The following DCAF6 variants were observed in gnomAD, a reference collection of about 807,000 sequenced individuals.
The protein encoded by DCAF6 is DDB1 and CUL4 associated factor 6.
DCAF6 carries 54 observed loss-of-function variants against 125.1 expected under a neutral mutation model. The observed-to-expected ratio is 0.43, with a 90% CI of 0.35 to 0.54. The LOEUF (loss-of-function observed/expected upper bound fraction) is 0.54, where lower values mean the gene tolerates loss of function less well. Among genes scored for constraint, DCAF6 ranks in the 20% least tolerant of loss-of-function variants. The pLI is 0.01. For missense variants in DCAF6, 934 were observed against 1,161.7 expected, an observed-to-expected ratio of 0.80 and a Z score of 2.85; for synonymous variants, 371 against 390.4, an observed-to-expected ratio of 0.95 and a Z score of 0.58.
At chr1:167,881,981 T>A in the DCAF6 span, among the ~76,000 whole-genome samples, 1 of 152,218 alleles carries the variant, frequency 6.6e-6, no homozygotes, top group African/African-American at 2.4e-5. Context: ...TGTCAATATA[T>A]GTGTTACTCA....
chr1:168,044,622 T>C lies in DCAF6; in HGVS notation c.1881T>C (p.Tyr627=). ...AATCATCAGAGGATGTGACAAAATA[T>C]CAGGAAGGAGTATCTGCAGAAAACC... ...PEESSEDVTK[Y]QEGVSAENPV... The change falls in exon 15 of 22, where the codon TAT becomes TAC. Residue 627 remains tyrosine, a synonymous_variant. Transcript: ENST00000367840. 1.2e-6 allele frequency: 2 copies of C among 1,613,266 alleles called. No individual in the cohort carries two copies. Among genetic ancestry groups the C allele is most frequent in the Non-Finnish European group, 1.7e-6 (2 of 1,179,406 alleles).
intron 12 of DCAF6, among the ~76,000 whole-genome samples, chr1:168,035,173 C>A (rs866720358): frequency 6.6e-6 from 1 of 152,150 alleles, no homozygotes; most frequent in African/African-American, 2.4e-5. Flanking sequence ...GGGCCAAGTG[C>A]GGTGGCTCAC....
intron 12 of DCAF6, among the ~76,000 whole-genome samples, chr1:168,027,480 C>G (rs1214628298): frequency 6.6e-6 from 1 of 152,102 alleles, no homozygotes; most frequent in African/African-American, 2.4e-5. Context: ...GAATATATCT[C>G]TGACTAATGA....
chr1:167,951,411 C>A (rs1471112072), intron 1 of DCAF6, among the ~76,000 whole-genome samples: 1 of 152,064 alleles, frequency 6.6e-6, no homozygotes, highest in African/African-American at 2.4e-5. Context: ...CCTGTCTCTA[C>A]TAAAAATACA....
intron 3 of DCAF6, among the ~76,000 whole-genome samples, chr1:167,972,195 T>C (rs376271341): frequency 5.1e-4 from 78 of 152,362 alleles, no homozygotes; most frequent in African/African-American, 1.5e-3. Flanking sequence ...TACACATAAA[T>C]ATTTTTAATC....
intron 3 of DCAF6, chr1:167,968,669 G>C (rs1452386283): frequency 2.0e-5 from 3 of 152,312 alleles, no homozygotes; most frequent in Non-Finnish European, 4.4e-5. Context: ...GAAACTGCCC[G>C]TGCTGGAAGA....
intron 12 of DCAF6, among the ~76,000 whole-genome samples, chr1:168,036,535 G>A (rs1687831314): frequency 6.6e-6 from 1 of 152,158 alleles, no homozygotes; most frequent in South Asian, 2.1e-4. Flanking sequence ...ATCTTTAGCT[G>A]TCTGTTTCAT....
At chr1:167,880,125 G>C in the DCAF6 span, 25 of 1,612,262 alleles carry the variant, frequency 1.6e-5, no homozygotes, top group Non-Finnish European at 2.1e-5. Context: ...CTGTGTACTC[G>C]TGTCTCACAG....
At chr1:168,010,999 T>A (rs73026173) in intron 10 of DCAF6, among the ~76,000 whole-genome samples, 12,837 of 152,082 alleles carry the variant, frequency 0.084, 608 homozygotes, top group Middle Eastern at 0.1. Context: ...TTGAAGTGGA[T>A]GGGGATATCA....
At chr1:167,978,074 TTGTG>T (rs1177815807) in intron 4 of DCAF6, among the ~76,000 whole-genome samples, 2 of 152,240 alleles carry the variant, frequency 1.3e-5, no homozygotes, top group African/African-American at 4.8e-5. Flanking sequence ...TTCATCCATG[TTGTG>T]TGTAACTATA....
At chr1:167,975,892 G>C (rs921666143) in intron 4 of DCAF6, among the ~76,000 whole-genome samples, 4 of 152,014 alleles carry the variant, frequency 2.6e-5, no homozygotes, top group African/African-American at 9.7e-5. Context: ...TCATTTTTTT[G>C]TATCAAATTA....
the DCAF6 span, chr1:167,899,481 T>A: frequency 6.2e-7 from 1 of 1,614,238 alleles, no homozygotes; most frequent in Non-Finnish European, 8.5e-7. Flanking sequence ...GTCACAGAGC[T>A]GCCAGCAGTT....
At chr1:167,964,458 G>C (rs1676088411) in intron 2 of DCAF6, among the ~76,000 whole-genome samples, 5 of 152,068 alleles carry the variant, frequency 3.3e-5, no homozygotes, top group Admixed American at 3.3e-4. Context: ...TTTTCCTCCA[G>C]CTTCTTTCAG....
At chr1:167,898,786 T>A in the DCAF6 span, among the ~76,000 whole-genome samples, 3 of 152,110 alleles carry the variant, frequency 2.0e-5, no homozygotes, top group Admixed American at 2.0e-4. Context: ...GGATTCTCTG[T>A]CTTTTCTTTC....
chr1:167,922,874 A>T, the DCAF6 span, among the ~76,000 whole-genome samples: 4 of 152,210 alleles, frequency 2.6e-5, no homozygotes, highest in Non-Finnish European at 5.9e-5. Context: ...TGATTAAATT[A>T]AAAAACAGGC....
chr1:168,004,708 T>C lies in DCAF6; in HGVS notation c.1293T>C (p.Pro431=). The C allele has an allele frequency of 6.2e-7, 1 of 1,614,038 alleles. No individual in the cohort carries two copies. The highest frequency in any genetic ancestry group is 8.5e-7 in the Non-Finnish European group (1 of 1,179,924). ...AHSTSSPTES[P]HSTPLLSSPD... is the part of the protein sequence containing the mutation. ...CGACATCATCTCCCACAGAAAGCCCTCATTCTACTCCTTTGCTATCTTCTC... is the reference window on the plus strand; with the variant it reads ...CGACATCATCTCCCACAGAAAGCCCCCATTCTACTCCTTTGCTATCTTCTC... The change falls in exon 10 of 22, where the codon CCT becomes CCC. Residue 431 remains proline, a synonymous_variant. Transcript: ENST00000367840.
At chr1:167,951,970 G>C in intron 2 of DCAF6, 109 bp downstream of exon 2, 1 of 622,934 alleles carries the variant, frequency 1.6e-6, no homozygotes, top group South Asian at 2.4e-5. Flanking sequence ...AATAAAATGG[G>C]AGAATAAAGT....
At chr1:167,989,098 CAAAA>C (rs1680446622) in intron 5 of DCAF6, among the ~76,000 whole-genome samples, 1 of 149,800 alleles carries the variant, frequency 6.7e-6, no homozygotes, top group Non-Finnish European at 1.5e-5. Context: ...CAAAACAAAA[CAAAA>C]AAACCTTTAA....
At chr1:167,993,506 T>C (rs1681174601) in intron 7 of DCAF6, 66 bp downstream of exon 7, 10 of 1,349,804 alleles carry the variant, frequency 7.4e-6, no homozygotes, top group Non-Finnish European at 9.4e-6. Flanking sequence ...TCCCAGCGCT[T>C]TGGGAGGCCG....
Sources: gnomAD v4.1 joint callset for allele counts (sites outside exome capture counted in the v4.1 genomes callset) on GRCh38, gnomAD v4.1.1 for gene constraint, MANE v1.5 for transcripts, NCBI Gene and HGNC (gene_info 2026-07-23, HGNC 2026-07-21) for gene names.